ACE: variants seen among roughly 807,000 people sequenced by gnomAD.
The protein encoded by ACE is angiotensin-converting enzyme.
ACE carries 122 observed loss-of-function variants against 162.3 expected under a neutral mutation model. The ratio of observed to expected loss-of-function variants is 0.75; its 90% CI spans 0.65 to 0.87. ACE has a LOEUF of 0.87. Ranked by LOEUF, ACE falls within the 40% of genes least tolerant of loss-of-function variation. The pLI is 0.00. For missense variants in ACE, 1,799 were observed against 1,735.1 expected (o/e 1.04, Z -0.65); for synonymous variants, 796 against 720.6 (o/e 1.10, Z -1.68).
intron 17 of ACE, chr17:63,490,726 C>A (rs1034988478): frequency 1.7e-6 from 1 of 573,876 alleles, no homozygotes; most frequent in Non-Finnish European, 3.2e-6. Flanking sequence ...ACCTGGATTC[C>A]CTGATAACCA....
Position 63,491,743 on chromosome 17 carries a change from G to T in ACE, c.2912+362G>T, listed in dbSNP as rs1308747780. 2.6e-5 allele frequency among the ~76,000 whole-genome samples: 4 copies of T among 152,226 alleles called. No individual in the cohort carries two copies. In the South Asian group the frequency reaches 8.3e-4, roughly 32 times the overall value. ...GTGACACAGGGAGGCACACGAGGAT[G>T]TTGGGTGCTCTGTACAGATCCACTC... is the stretch of plus-strand genomic sequence containing the variant. On this transcript the variant is annotated intron_variant, in intron 19 of 24. Transcript: ENST00000290866. The surrounding 1 kb of genome is among the most constrained non-coding windows in gnomAD (Gnocchi z 4.4).
rs1204818167 is a variant in ACE, at chr17:63,491,965, C to T, written c.2912+584C>T. Among the ~76,000 whole-genome samples the T allele has an allele frequency of 2.6e-5, 4 of 152,350 alleles. No homozygotes were observed. Among genetic ancestry groups the T allele is most frequent in the African/African-American group, 9.6e-5 (4 of 41,580 alleles). ...ACAGGGCCCCCTCTGTTGGGGGCAG[C>T]TCTCACAGCCGGGATGGCTCAATGG... On this transcript the variant is annotated intron_variant, in intron 19 of 24. Transcript: ENST00000290866. The surrounding 1 kb of genome is among the most constrained non-coding windows in gnomAD (Gnocchi z 4.4).
chr17:63,480,293 CGAGCCTTTGGCCT>C (rs1568036528), intron 4 of ACE, 31 bp from the exon 5 acceptor site: 2 of 1,601,474 alleles, frequency 1.2e-6, no homozygotes, highest in African/African-American at 2.7e-5. Context: ...GGCTGAGGTC[CGAGCCTTTGGCCT>C]GAGCTACATA....
In ACE at chr17:63,483,151, A is replaced by G. The variant is rs745820101; in HGVS notation, c.1465A>G (p.Asn489Asp). Reference protein sequence around the residue: ...FSGRTPPSRYNFDWWYLRTKY... With the variant: ...FSGRTPPSRYDFDWWYLRTKY... ...TGGGCGTACCCCCCCTTCCCGCTAC[A>G]ACTTCGACTGGTGGTATCTTCGGTG... The change falls in exon 9 of 25, where the codon AAC becomes GAC. Residue 489 changes from asparagine to aspartate, a missense_variant. Transcript: ENST00000290866. 6.2e-7 allele frequency: 1 copy of G among 1,613,952 alleles called. No individual in the cohort carries two copies.
chr17:63,497,529 C>A lies in ACE; in HGVS notation c.*163C>A. The A allele has an allele frequency of 1.4e-6, 1 of 726,832 alleles. No individual in the cohort carries two copies. The highest frequency in any genetic ancestry group is 1.5e-5 in the South Asian group (1 of 67,230). 45.0% of individuals were successfully genotyped at this position (726,832 alleles called of 1,614,324 possible). On this transcript the variant is annotated 3_prime_UTR_variant, in exon 25 of 25. Coordinates refer to ENST00000290866, the MANE Select transcript of ACE (RefSeq NM_000789.4). Reference sequence around the variant, plus strand: ...CCAGTCCTCCAGACCACCAGCCGCCCCAGCCCCTTCTCCCAGCACACGGCT... The same window carrying A: ...CCAGTCCTCCAGACCACCAGCCGCCACAGCCCCTTCTCCCAGCACACGGCT...
chr17:63,490,359 C>CA (rs1302334030), intron 17 of ACE: 1 of 159,452 alleles, frequency 6.3e-6, no homozygotes, highest in Non-Finnish European at 1.4e-5. Flanking sequence ...TGGTTCCTGT[C>CA]AGAGTTGCTG....
rs1568042723 is a variant in ACE, at chr17:63,488,463, G to A, written c.2306-185G>A. ...TCTGCAGCATGTGGCCCCAGGCCGG[G>A]GACTCTGTAAGCCACTGCTGGAGAG... On this transcript the variant is annotated intron_variant, in intron 15 of 24. Transcript: ENST00000290866. 4 of 511,284 alleles carry A rather than the reference G, an allele frequency of 7.8e-6. 1 individual carries two copies. The highest frequency in any genetic ancestry group is 1.4e-5 in the Non-Finnish European group (4 of 293,462). 31.7% of individuals were successfully genotyped at this position (511,284 alleles called of 1,614,324 possible). A position where few individuals can be genotyped will look rare whatever the true frequency, so the allele number is the denominator to read the frequency against.
rs2049748954 is a variant in ACE at position 63,483,518 on chromosome 17, G to A, written c.1546G>A (p.Gly516Arg). The stretch of plus-strand genomic sequence containing the variant: ...CCGAAACGAAACCCACTTTGATGCT[G>A]GAGCTAAGTTTCATGTTCCAAATGT... ...VTRNETHFDAGAKFHVPNVTP... is the reference protein window; with the variant it reads ...VTRNETHFDARAKFHVPNVTP... The change falls in exon 10 of 25, where the codon GGA becomes AGA. Residue 516 changes from glycine (G) to arginine (R), a missense_variant. Physicochemically the swap from Gly to Arg is moderately radical, Grantham distance 125. Coordinates refer to ENST00000290866, the MANE Select transcript of ACE (RefSeq NM_000789.4). 1 of 1,614,110 alleles carries A rather than the reference G, an allele frequency of 6.2e-7. No homozygotes were observed. Among genetic ancestry groups the A allele is most frequent in the Non-Finnish European group, 8.5e-7 (1 of 1,180,018 alleles).
chr17:63,477,972 G>A lies in ACE; in HGVS notation c.291G>A (p.Trp97Ter). ...ALLSQEFAEAWGQKAKELYEP... is the reference protein window; with the variant it reads ...ALLSQEFAEA ...TCAGCCAGGAGTTTGCGGAGGCCTGGGGCCAGAAGGCCAAGGAGCTGTATG... is the reference window on the plus strand; with the variant it reads ...TCAGCCAGGAGTTTGCGGAGGCCTGAGGCCAGAAGGCCAAGGAGCTGTATG... The change falls in exon 2 of 25, where the codon TGG becomes TGA. Residue 97 changes from tryptophan to a stop codon, truncating the protein, a stop_gained. Transcript: ENST00000290866. LOFTEE classifies it high-confidence loss of function. 1 of 1,612,320 alleles carries A rather than the reference G, an allele frequency of 6.2e-7. No individual in the cohort carries two copies. Among genetic ancestry groups the A allele is most frequent in the African/African-American group, 1.3e-5 (1 of 75,046 alleles).
At chr17:63,477,549 A>T in intron 1 of ACE, 1 of 332,116 alleles carries the variant, frequency 3.0e-6, no homozygotes, top group South Asian at 6.7e-5. Context: ...TGGATGGATG[A>T]GGGTGGCTGC....
rs3730022 is a variant in ACE, at chr17:63,479,794, G to A, written c.537G>A (p.Ser179=). The change falls in exon 4 of 25, where the codon TCG becomes TCA. Residue 179 remains serine, a synonymous_variant. Transcript: ENST00000290866. ...ATCTCACCAACATCCTGGCTTCCTC[G>A]CGAAGCTACGCCATGCTCCTGTTTG... ...DPDLTNILAS[S]RSYAMLLFAW... The A allele has an allele frequency of 1.7e-5, 27 of 1,613,200 alleles. No homozygotes were observed. The highest frequency in any genetic ancestry group is 1.5e-4 in the Admixed American group (9 of 60,008).
intron 14 of ACE, 60 bp downstream of exon 14, chr17:63,486,775 G>A (rs1368710445): frequency 1.2e-6 from 2 of 1,607,098 alleles, no homozygotes; most frequent in Non-Finnish European, 1.7e-6. Flanking sequence ...CCAACACAGG[G>A]TCTGGCCTGG....
chr17:63,488,551 T>TTTTTTTAGACGGAG, intron 15 of ACE, 97 bp from the exon 16 acceptor site: 3 of 1,408,946 alleles, frequency 2.1e-6, no homozygotes, highest in South Asian at 1.2e-5. Flanking sequence ...TTTATGTGGT[T>TTTTTTTAGACGGAG]TCGCCAATTT....
Position 63,477,262 on chromosome 17 carries a change from C to T in ACE, c.168C>T (p.Ser56=). The T allele has an allele frequency of 6.7e-7, 1 of 1,498,870 alleles. No individual in the cohort carries two copies. The highest frequency in any genetic ancestry group is 8.9e-7 in the Non-Finnish European group (1 of 1,125,430). The allele number at this position is 1,498,870 out of a possible 1,614,324, so 92.8% of individuals were successfully genotyped here. Residue 56 remains serine, a synonymous_variant, in exon 1 of 25, where the codon AGC becomes AGT. Coordinates refer to ENST00000290866, the MANE Select transcript of ACE (RefSeq NM_000789.4). ...AQLFAQSYNS[S]AEQVLFQSVA... ...TCTTCGCGCAGAGCTACAACTCCAG[C>T]GCCGAACAGGTGCTGTTCCAGAGCG...
At chr17:63,481,044 G>A in intron 5 of ACE, 47 bp from the exon 6 acceptor site, 1 of 1,581,286 alleles carries the variant, frequency 6.3e-7, no homozygotes, top group Non-Finnish European at 8.7e-7. Flanking sequence ...GAAGAAGCAG[G>A]CACAGCCAGG....
At chr17:63,482,978 C>G in intron 8 of ACE, 51 bp from the exon 9 acceptor site, 9 of 1,587,230 alleles carry the variant, frequency 5.7e-6, no homozygotes, top group Non-Finnish European at 7.8e-6. Context: ...CTTAGGGGAC[C>G]CTCTTCTCCC....
At chr17:63,478,934 C>T (rs1012373590) in intron 2 of ACE, 73 bp from the exon 3 acceptor site, 4 of 1,331,512 alleles carry the variant, frequency 3.0e-6, no homozygotes, top group African/African-American at 2.9e-5. Context: ...TGGGCTCCTC[C>T]TTCTAGCAGC....
chr17:63,497,102 G>A, intron 24 of ACE, 35 bp from the exon 25 acceptor site: 2 of 1,595,922 alleles, frequency 1.3e-6, no homozygotes, highest in Non-Finnish European at 1.7e-6. Flanking sequence ...GCCCTGCCCT[G>A]CCCTGCCCAT....
chr17:63,484,357 G>A lies in ACE; in HGVS notation c.1737G>A (p.Arg579=), dbSNP rs774604598. ...LRKVLQAGSS[R]PWQEVLKDMV... ...AGGTGCTGCAGGCTGGCTCCTCCAG[G>A]CCCTGGCAGGAGGTGCTGAAGGACA... The change falls in exon 12 of 25, where the codon AGG becomes AGA. Residue 579 remains arginine, a synonymous_variant. Transcript: ENST00000290866. The surrounding 1 kb of genome is among the most constrained non-coding windows in gnomAD (Gnocchi z 4.0). The A allele has an allele frequency of 6.2e-7, 1 of 1,611,272 alleles. No individual in the cohort carries two copies. The highest frequency in any genetic ancestry group is 8.5e-7 in the Non-Finnish European group (1 of 1,179,856).
Sources: gnomAD v4.1 joint callset for allele counts (sites outside exome capture counted in the v4.1 genomes callset) on GRCh38, gnomAD v4.1.1 for gene constraint, Gnocchi (gnomAD v3.1) non-coding constraint, MANE v1.5 for transcripts, NCBI Gene and HGNC (gene_info 2026-07-23, HGNC 2026-07-21) for gene names.